The following CNTN5 variants were observed in gnomAD, a reference collection of about 807,000 sequenced individuals.
CNTN5 encodes contactin 5.
CNTN5 carries 77 observed loss-of-function variants against 129.1 expected under a neutral mutation model. The ratio of observed to expected loss-of-function variants is 0.60; its 90% CI spans 0.50 to 0.72. The LOEUF (loss-of-function observed/expected upper bound fraction) is 0.72, where lower values mean the gene tolerates loss of function less well. Ranked by LOEUF, CNTN5 falls within the 30% of genes least tolerant of loss-of-function variation. The pLI is 0.00. For missense variants in CNTN5, 1,478 were observed against 1,328.8 expected (o/e 1.11, Z -1.75); for synonymous variants, 509 against 465.6 (o/e 1.09, Z -1.20).
At chr11:99,314,586 G>C (rs1370356668) in intron 1 of CNTN5, among the ~76,000 whole-genome samples, 1 of 151,950 alleles carries the variant, frequency 6.6e-6, no homozygotes, top group East Asian at 1.9e-4. Flanking sequence ...TGAAACCACC[G>C]GATTGAAAGG....
chr11:100,265,604 A>T (rs1035800501), intron 17 of CNTN5, among the ~76,000 whole-genome samples: 1 of 152,166 alleles, frequency 6.6e-6, no homozygotes, highest in Non-Finnish European at 1.5e-5. Context: ...GCAATTGATA[A>T]TCTACTACTT....
chr11:99,542,427 T>G (rs1359802254), intron 2 of CNTN5, among the ~76,000 whole-genome samples: 4 of 152,184 alleles, frequency 2.6e-5, no homozygotes, highest in African/African-American at 9.7e-5. Flanking sequence ...GTATCTGTCT[T>G]TCTATGTCTG....
intron 9 of CNTN5, among the ~76,000 whole-genome samples, chr11:100,027,059 A>C (rs1941458395): frequency 1.3e-5 from 2 of 152,030 alleles, no homozygotes; most frequent in African/African-American, 4.8e-5. Context: ...TAACATGTTA[A>C]GTATTTTCTC....
At chr11:100,033,764 G>A (rs1941838574) in intron 9 of CNTN5, among the ~76,000 whole-genome samples, 1 of 152,092 alleles carries the variant, frequency 6.6e-6, no homozygotes, top group Non-Finnish European at 1.5e-5. Flanking sequence ...TAGGCCCTCA[G>A]TGCTGCACAC....
chr11:99,596,469 C>CA (rs1950129015), intron 3 of CNTN5, among the ~76,000 whole-genome samples: 2 of 152,114 alleles, frequency 1.3e-5, no homozygotes, highest in African/African-American at 4.8e-5. Context: ...CACATTCATT[C>CA]AATCAGCATT....
At chr11:100,010,233 A>G (rs531230566) in intron 9 of CNTN5, among the ~76,000 whole-genome samples, 1 of 152,256 alleles carries the variant, frequency 6.6e-6, no homozygotes, top group Admixed American at 6.5e-5. Context: ...CAGCCCATAC[A>G]AGTTGTTAAC....
At position 100,299,156 on chromosome 11, in the gene CNTN5, C is replaced by T; in HGVS notation, c.2386-6C>T. 2 of 1,554,366 alleles carry T rather than the reference C, an allele frequency of 1.3e-6. No individual in the cohort carries two copies. Among genetic ancestry groups the T allele is most frequent in the Non-Finnish European group, 1.8e-6 (2 of 1,139,252 alleles). ...GCTGATAATTAATTATATTTTTCTT[C>T]TTTAGCCAGTATCTGAAGAGTTTCA... On this transcript the variant is annotated splice_region_variant and splice_polypyrimidine_tract_variant and intron_variant, in intron 19 of 24. Transcript: ENST00000524871.
intron 24 of CNTN5, among the ~76,000 whole-genome samples, chr11:100,354,742 C>G (rs2139047767): frequency 6.6e-6 from 1 of 151,698 alleles, no homozygotes; most frequent in South Asian, 2.1e-4. Context: ...ATGGTATAGC[C>G]TATTGCTCCT....
intron 18 of CNTN5, among the ~76,000 whole-genome samples, chr11:100,288,553 A>C (rs1950861212): frequency 6.6e-6 from 1 of 152,204 alleles, no homozygotes; most frequent in East Asian, 1.9e-4. Flanking sequence ...ATGTTCTTTG[A>C]AACCAACGAG....
At chr11:99,911,505 C>A (rs1338092237) in intron 6 of CNTN5, among the ~76,000 whole-genome samples, 1 of 151,872 alleles carries the variant, frequency 6.6e-6, no homozygotes, top group Non-Finnish European at 1.5e-5. Context: ...TGAGCCTTTT[C>A]CTCACTCCTC....
chr11:100,018,129 A>G (rs1440320549), intron 9 of CNTN5, among the ~76,000 whole-genome samples: 1 of 152,044 alleles, frequency 6.6e-6, no homozygotes, highest in African/African-American at 2.4e-5. Flanking sequence ...TTCTTCAGGC[A>G]TCTTTTTAAA....
intron 7 of CNTN5, among the ~76,000 whole-genome samples, chr11:99,922,944 T>C (rs1341421007): frequency 6.6e-6 from 1 of 152,204 alleles, no homozygotes; most frequent in Non-Finnish European, 1.5e-5. Context: ...TGACAGATAT[T>C]TGGGTCACTT....
chr11:99,190,514 T>G (rs532224358), intron 1 of CNTN5, among the ~76,000 whole-genome samples: 1 of 151,800 alleles, frequency 6.6e-6, no homozygotes, highest in African/African-American at 2.4e-5. Flanking sequence ...TATTATTAAT[T>G]ATTGCAATTC....
At chr11:99,564,294 A>T (rs2135558393) in intron 3 of CNTN5, among the ~76,000 whole-genome samples, 1 of 152,030 alleles carries the variant, frequency 6.6e-6, no homozygotes, top group African/African-American at 2.4e-5. Context: ...GGTGTCACTA[A>T]GTTGGCTGGT....
intron 1 of CNTN5, among the ~76,000 whole-genome samples, chr11:99,220,560 A>T (rs562952740): frequency 9.2e-5 from 14 of 152,056 alleles, no homozygotes; most frequent in African/African-American, 3.4e-4. Flanking sequence ...AAAAATCACG[A>T]TTTTCCATGA....
intron 6 of CNTN5, among the ~76,000 whole-genome samples, chr11:99,870,390 A>G (rs989072427): frequency 2.6e-5 from 4 of 152,154 alleles, no homozygotes; most frequent in South Asian, 2.1e-4. Context: ...TGACAATAAT[A>G]TAATATAAAT....
chr11:99,173,639 A>G (rs1010267467), intron 1 of CNTN5, among the ~76,000 whole-genome samples: 82 of 152,320 alleles, frequency 5.4e-4, no homozygotes, highest in African/African-American at 1.9e-3. Context: ...CTGAACAATT[A>G]TGTGGATTAT....
intron 2 of CNTN5, 93 bp downstream of exon 2, chr11:99,325,577 T>C (rs1865749952): frequency 6.6e-6 from 1 of 152,206 alleles, no homozygotes; most frequent in South Asian, 2.1e-4. Flanking sequence ...GAGCTCCTAA[T>C]ACAACTGCTG....
At chr11:99,868,829 G>T (rs1160800426) in intron 6 of CNTN5, among the ~76,000 whole-genome samples, 1 of 152,176 alleles carries the variant, frequency 6.6e-6, no homozygotes, top group African/African-American at 2.4e-5. Flanking sequence ...ACATTCATCA[G>T]CAAATAAGAG....
Sources: gnomAD v4.1 joint callset for allele counts (sites outside exome capture counted in the v4.1 genomes callset) on GRCh38, gnomAD v4.1.1 for gene constraint, MANE v1.5 for transcripts, NCBI Gene and HGNC (gene_info 2026-07-23, HGNC 2026-07-21) for gene names.